The following TNRC18 variants were observed in gnomAD, a reference collection of about 807,000 sequenced individuals.
TNRC18 encodes the protein trinucleotide repeat containing 18.
Under a neutral mutation model 226.7 loss-of-function variants are expected in TNRC18, and 69 were observed. That is an observed-to-expected ratio of 0.30 (90% CI 0.25 to 0.37). TNRC18 has a LOEUF of 0.37. Among genes scored for constraint, TNRC18 ranks in the 10% least tolerant of loss-of-function variants. TNRC18 has a pLI of 1.00. For synonymous variants in TNRC18, 2,449 were observed against 1,927.6 expected (o/e 1.27, Z -7.09); for missense variants, 4,754 against 4,256.6 (o/e 1.12, Z -3.25).
At chr7:5,392,599 G>C (rs1329308167) in intron 3 of TNRC18, among the ~76,000 whole-genome samples, 1 of 152,142 alleles carries the variant, frequency 6.6e-6, no homozygotes, top group African/African-American at 2.4e-5. Context: ...CTGGGCGACA[G>C]AGCAAGACTC....
intron 16 of TNRC18, among the ~76,000 whole-genome samples, chr7:5,352,470 C>A (rs1791930375): frequency 6.6e-6 from 1 of 152,162 alleles, no homozygotes. Context: ...TACGATGGCC[C>A]AAGGGTGACA....
chr7:5,308,425 AGAGACC>A, intron 29 of TNRC18, 113 bp from the exon 30 acceptor site: 1 of 981,466 alleles, frequency 1.0e-6, no homozygotes. Context: ...GGACTGAGAC[AGAGACC>A]AAGTCAGAGA....
At chr7:5,346,174 A>C (rs751125786) in intron 17 of TNRC18, among the ~76,000 whole-genome samples, 4 of 152,256 alleles carry the variant, frequency 2.6e-5, no homozygotes, top group Non-Finnish European at 5.9e-5. Flanking sequence ...GCCCCAACAC[A>C]CAACACAGAG....
Position 5,389,199 on chromosome 7 carries a change from G to C in TNRC18, c.625C>G (p.Arg209Gly). The C allele has an allele frequency of 2.3e-6, 3 of 1,330,756 alleles. No homozygotes were observed. Among genetic ancestry groups the C allele is most frequent in the East Asian group, 3.4e-5 (1 of 29,022 alleles). 82.4% of individuals were successfully genotyped at this position (1,330,756 alleles called of 1,614,324 possible). The change falls in exon 5 of 30, where the codon CGG becomes GGG. Residue 209 changes from arginine (R) to glycine (G), a missense_variant. Arg to Gly is a moderately radical substitution (Grantham distance 125, BLOSUM62 -2). Coordinates refer to ENST00000430969, the MANE Select transcript of TNRC18 (RefSeq NM_001080495.3). Reference protein sequence around the residue: ...SSSRDGPAKERAGRGGEPPPL... With the variant: ...SSSRDGPAKEGAGRGGEPPPL... Reference sequence around the variant, plus strand: ...GGCGGCTCCCCGCCGCGGCCCGCCCGCTCCTTGGCTGGACCGTCCCGCGAC... The same window carrying C: ...GGCGGCTCCCCGCCGCGGCCCGCCCCCTCCTTGGCTGGACCGTCCCGCGAC...
Position 5,393,897 on chromosome 7 carries a change from G to A in TNRC18, c.343+543C>T, listed in dbSNP as rs1780476076. ...TCTGGGAAATTTTTTTTGTGGAGAT[G>A]GGGTCTTGCTATGTTGCCCAGGCTG... On this transcript the variant is annotated intron_variant, in intron 3 of 29. Coordinates refer to ENST00000430969, the MANE Select transcript of TNRC18 (RefSeq NM_001080495.3). Among the ~76,000 whole-genome samples, 3 of 152,124 alleles carry A rather than the reference G, an allele frequency of 2.0e-5. No individual in the cohort carries two copies. The East Asian group carries it at 5.8e-4, about 29-fold the overall frequency.
chr7:5,405,876 C>CA (rs1267554083), intron 2 of TNRC18, among the ~76,000 whole-genome samples: 2 of 152,188 alleles, frequency 1.3e-5, no homozygotes, highest in Admixed American at 1.3e-4. Flanking sequence ...CCAGTCTCGG[C>CA]AACATCAAGA....
intron 24 of TNRC18, among the ~76,000 whole-genome samples, 197 bp from the exon 25 acceptor site, chr7:5,316,269 T>A (rs1787830676): frequency 8.8e-6 from 1 of 114,184 alleles, no homozygotes; most frequent in Admixed American, 1.1e-4. Flanking sequence ...GCAGGAGAAA[T>A]GGGTCTTTTT....
chr7:5,325,476 C>A, intron 19 of TNRC18: 1 of 473,590 alleles, frequency 2.1e-6, no homozygotes, highest in Non-Finnish European at 3.7e-6. Context: ...GAGGCTGGAG[C>A]GCAGTGGCGC....
intron 21 of TNRC18, among the ~76,000 whole-genome samples, chr7:5,322,169 T>C (rs892732603): frequency 8.6e-5 from 13 of 151,974 alleles, no homozygotes; most frequent in African/African-American, 3.1e-4. Context: ...TCCCAGCTAC[T>C]TGGGAGGCTG....
rs908740465 is a variant in TNRC18 at position 5,394,412 on chromosome 7, T to C, written c.343+28A>G. The C allele has an allele frequency of 1.3e-6, 2 of 1,501,600 alleles. No homozygotes were observed. Among genetic ancestry groups the C allele is most frequent in the Non-Finnish European group, 1.8e-6 (2 of 1,125,226 alleles). The allele number at this position is 1,501,600 out of a possible 1,614,324, so 93.0% of individuals were successfully genotyped here. On this transcript the variant is annotated intron_variant, in intron 3 of 29. Coordinates refer to ENST00000430969, the MANE Select transcript of TNRC18 (RefSeq NM_001080495.3). This position sits in a 1 kb window ranked among gnomAD's most constrained non-coding sequence, Gnocchi z 4.5. The stretch of plus-strand genomic sequence containing the variant: ...GGCTGGGACGTCAGCCCAGCAGCCC[T>C]CAGCCCCGACCCCGGCATGTTCCTT...
In TNRC18 at chr7:5,329,682, C is replaced by CAAAAAA. The variant is rs10628315; in HGVS notation, c.6147+2934_6147+2939dup. Among the ~76,000 whole-genome samples the CAAAAAA allele has an allele frequency of 4.4e-4, 20 of 45,760 alleles. 1 individual carries two copies. The highest frequency in any genetic ancestry group is 1.3e-3 in the South Asian group (1 of 752). 30.0% of individuals were successfully genotyped at this position (45,760 alleles called of 152,430 possible). On this transcript the variant is annotated intron_variant, in intron 19 of 29. Coordinates refer to ENST00000430969, the MANE Select transcript of TNRC18 (RefSeq NM_001080495.3). ...TGGGCGACACAGTGAGACTCCGTCTCAAAAAAAAAAAAAAAAAAAAAAAAA... is the reference window on the plus strand; with the variant it reads ...TGGGCGACACAGTGAGACTCCGTCTCAAAAAAAAAAAAAAAAAAAAAAAAAAAAAAA...
intron 18 of TNRC18, among the ~76,000 whole-genome samples, chr7:5,333,983 GAA>G (rs1789826390): frequency 2.6e-5 from 4 of 152,340 alleles, no homozygotes; most frequent in Middle Eastern, 3.4e-3. Flanking sequence ...TGGTGTCCAG[GAA>G]AAGAGTGTGA....
At chr7:5,419,302 G>A (rs1782388949) in intron 2 of TNRC18, among the ~76,000 whole-genome samples, 2 of 152,256 alleles carry the variant, frequency 1.3e-5, no homozygotes, top group Non-Finnish European at 2.9e-5. Flanking sequence ...CCAGGCCGGA[G>A]CCAGATCGCA....
At chr7:5,335,590 G>A (rs1294279591) in intron 18 of TNRC18, among the ~76,000 whole-genome samples, 1 of 140,110 alleles carries the variant, frequency 7.1e-6, no homozygotes, top group East Asian at 2.2e-4. Context: ...GGGTGACAGA[G>A]TGAGACTCCG....
chr7:5,338,521 A>G (rs1225030413), intron 18 of TNRC18, among the ~76,000 whole-genome samples: 2 of 151,618 alleles, frequency 1.3e-5, no homozygotes, highest in Non-Finnish European at 2.9e-5. Context: ...CAAAGTGGGC[A>G]GATCATCTGA....
intron 27 of TNRC18, among the ~76,000 whole-genome samples, chr7:5,311,211 T>C (rs9692196): frequency 3.4e-4 from 52 of 152,286 alleles, no homozygotes; most frequent in African/African-American, 1.2e-3. Context: ...TGTGTGTGCA[T>C]GTGCCCATGC....
chr7:5,312,868 C>T lies in TNRC18; in HGVS notation c.8023G>A (p.Glu2675Lys), dbSNP rs1249110603. The stretch of plus-strand genomic sequence containing the variant: ...TCGTCCGAGCTGCAGGAAGAGTCCT[C>T]GTCTGTGGTGGAGGAAGAAGAGGAG... ...SSSSSSSTTD[E>K]DSSCSSDDEA... The change falls in exon 27 of 30, where the codon GAG becomes AAG. Residue 2675 changes from glutamate (E) to lysine (K), a missense_variant. Transcript: ENST00000430969. The surrounding 1 kb of genome is among the most constrained non-coding windows in gnomAD (Gnocchi z 6.3). The T allele has an allele frequency of 1.3e-6, 2 of 1,528,194 alleles. No individual in the cohort carries two copies. The highest frequency in any genetic ancestry group is 1.4e-5 in the African/African-American group (1 of 73,422). The allele number at this position is 1,528,194 out of a possible 1,614,324, so 94.7% of individuals were successfully genotyped here. A position where few individuals can be genotyped will look rare whatever the true frequency, so the allele number is the denominator to read the frequency against.
chr7:5,327,010 G>C (rs1241862482), intron 19 of TNRC18, among the ~76,000 whole-genome samples: 2 of 152,018 alleles, frequency 1.3e-5, no homozygotes, highest in East Asian at 3.9e-4. Flanking sequence ...TGTAGTCCCA[G>C]CTACTCGGGA....
intron 9 of TNRC18, among the ~76,000 whole-genome samples, chr7:5,375,783 C>T (rs995038152): frequency 3.3e-5 from 5 of 152,194 alleles, no homozygotes; most frequent in Admixed American, 6.5e-5. Context: ...GTTTCCTCCT[C>T]GCTCCTGCAC....
Sources: gnomAD v4.1 joint callset for allele counts (sites outside exome capture counted in the v4.1 genomes callset) on GRCh38, gnomAD v4.1.1 for gene constraint, Gnocchi (gnomAD v3.1) non-coding constraint, MANE v1.5 for transcripts, NCBI Gene and HGNC (gene_info 2026-07-23, HGNC 2026-07-21) for gene names.